SRMS: variants seen among roughly 807,000 people sequenced by gnomAD.
SRMS encodes tyrosine-protein kinase Srms.
A neutral mutation model predicts 43.5 loss-of-function variants in SRMS; 42 were observed. That is an observed-to-expected ratio of 0.97 (90% CI 0.75 to 1.25). The LOEUF (loss-of-function observed/expected upper bound fraction) is 1.25, where lower values mean the gene tolerates loss of function less well. SRMS is among the 50% of genes most tolerant of loss of function. The pLI is 0.00. For missense variants in SRMS, 703 were observed against 681.0 expected, an observed-to-expected ratio of 1.03 and a Z score of -0.36; for synonymous variants, 316 against 308.2, an observed-to-expected ratio of 1.03 and a Z score of -0.27.
rs955775968 is a variant in SRMS, at chr20:63,547,497, T to C, written c.-34A>G. 7 of 1,436,710 alleles carry C rather than the reference T, an allele frequency of 4.9e-6. No homozygotes were observed. Among genetic ancestry groups the C allele is most frequent in the Non-Finnish European group, 6.4e-6 (7 of 1,092,412 alleles). The allele number at this position is 1,436,710 out of a possible 1,614,324, so 89.0% of individuals were successfully genotyped here. On this transcript the variant is annotated 5_prime_UTR_variant, in exon 1 of 8. It removes an upstream start codon present in the reference 5' UTR. Coordinates refer to ENST00000217188, the MANE Select transcript of SRMS (RefSeq NM_080823.4). ...GTCACCACGCTGGGCCCGAGGGCCA[T>C]GGGAGCCCGCGAGCCCGGAAGAGGA...
rs370767257 is a variant in SRMS, at chr20:63,542,666, C to T, written c.646-85G>A. 452 of 1,455,472 alleles carry T rather than the reference C, an allele frequency of 3.1e-4. 2 individuals are homozygous for T. The highest frequency in any genetic ancestry group is 1.7e-3 in the Middle Eastern group (7 of 4,034). 90.2% of individuals were successfully genotyped at this position (1,455,472 alleles called of 1,614,324 possible). On this transcript the variant is annotated intron_variant, in intron 3 of 7. Coordinates refer to ENST00000217188, the MANE Select transcript of SRMS (RefSeq NM_080823.4). ...ACAGCCCCCCACACCAGGCCTCTGG[C>T]GGGCACCCCTGTCCCCAGCACACAC...
intron 2 of SRMS, 52 bp from the exon 3 acceptor site, chr20:63,543,532 A>G: frequency 2.0e-6 from 3 of 1,492,902 alleles, no homozygotes; most frequent in Non-Finnish European, 1.8e-6. Flanking sequence ...AGCTGCCCCG[A>G]CCCTCCCACC....
In SRMS at chr20:63,540,948, G is replaced by A. The variant is rs749994717; in HGVS notation, c.1337C>T (p.Pro446Leu). ...LQQIMRGYRLPRPAACPAEVY... is the reference protein window; with the variant it reads ...LQQIMRGYRLLRPAACPAEVY... The stretch of plus-strand genomic sequence containing the variant: ...CTCCGCCGGGCAGGCAGCCGGGCGC[G>A]GCAGCCGGTACCCTCGCATGATCTG... Residue 446 changes from proline (P) to leucine (L), a missense_variant, in exon 8 of 8, where the codon CCG becomes CTG. Transcript: ENST00000217188. The A allele has an allele frequency of 1.9e-5, 30 of 1,607,522 alleles. No individual in the cohort carries two copies. The highest frequency in any genetic ancestry group is 1.6e-4 in the Middle Eastern group (1 of 6,080).
rs141222213 is a variant in SRMS at position 63,542,084 on chromosome 20, G to T, written c.946+79C>A. ...AGGCCCGGTTCACCTCGGAAACCCCGCAGGTTCAGCTCTGCGCCAGGAGGG... is the reference window on the plus strand; with the variant it reads ...AGGCCCGGTTCACCTCGGAAACCCCTCAGGTTCAGCTCTGCGCCAGGAGGG... On this transcript the variant is annotated intron_variant, in intron 5 of 7. Coordinates refer to ENST00000217188, the MANE Select transcript of SRMS (RefSeq NM_080823.4). 7.2e-4 allele frequency: 1,107 copies of T among 1,532,670 alleles called. 3 individuals are homozygous for T. The Middle Eastern group carries it at 0.014, about 19-fold the overall frequency. 94.9% of individuals were successfully genotyped at this position (1,532,670 alleles called of 1,614,324 possible).
In SRMS at chr20:63,542,070, A is replaced by AGAGAGG. The variant is rs1238631350; in HGVS notation, c.946+92_946+93insCCTCTC. On this transcript the variant is annotated intron_variant, in intron 5 of 7. Transcript: ENST00000217188. ...TGCTCCCGGTAGAGAGGCCCGGTTC[A>AGAGAGG]CCTCGGAAACCCCGCAGGTTCAGCT... 4.0e-5 allele frequency: 61 copies of AGAGAGG among 1,511,656 alleles called. No homozygotes were observed. The African/African-American group carries it at 7.6e-4, about 19-fold the overall frequency. The allele number at this position is 1,511,656 out of a possible 1,614,324, so 93.6% of individuals were successfully genotyped here.
Position 63,540,976 on chromosome 20 carries a change from G to A in SRMS, c.1309C>T (p.Gln437Ter). ...AGCCGGTACCCTCGCATGATCTGCT[G>A]CAGCGTCTCGTGGTTGGTCATCCCT... The part of the protein sequence containing the change: ...YEGMTNHETL[Q>*]QIMRGYRLPR... The change falls in exon 8 of 8, where the codon CAG becomes TAG. Residue 437 changes from glutamine (Q) to a stop codon, truncating the protein, a stop_gained. Coordinates refer to ENST00000217188, the MANE Select transcript of SRMS (RefSeq NM_080823.4). LOFTEE classifies it low-confidence loss of function (END_TRUNC). 1.2e-6 allele frequency: 2 copies of A among 1,608,916 alleles called. No homozygotes were observed. Among genetic ancestry groups the A allele is most frequent in the South Asian group, 1.1e-5 (1 of 91,038 alleles).
chr20:63,541,666 C>T (rs749221224), intron 5 of SRMS, 46 bp from the exon 6 acceptor site: 24 of 1,458,004 alleles, frequency 1.6e-5, no homozygotes, highest in East Asian at 1.0e-4. Flanking sequence ...GGCCAACGGC[C>T]GGTGAGGCCA....
At chr20:63,546,779 A>G (rs2082733910) in intron 1 of SRMS, among the ~76,000 whole-genome samples, 1 of 152,072 alleles carries the variant, frequency 6.6e-6, no homozygotes, top group South Asian at 2.1e-4. Context: ...TCCCTGTGTG[A>G]GGGCGGGAGG....
Position 63,540,662 on chromosome 20 carries a change from C to T in SRMS, c.*156G>A, listed in dbSNP as rs552988477. Reference sequence around the variant, plus strand: ...CGTCAGCCCCAGCCCTCCGTCTGCACGTCTGCCTGGTGCACGAACATGTGT... The same window carrying T: ...CGTCAGCCCCAGCCCTCCGTCTGCATGTCTGCCTGGTGCACGAACATGTGT... On this transcript the variant is annotated 3_prime_UTR_variant, in exon 8 of 8. Coordinates refer to ENST00000217188, the MANE Select transcript of SRMS (RefSeq NM_080823.4). 40 of 956,266 alleles carry T rather than the reference C, an allele frequency of 4.2e-5. 2 individuals are homozygous for T. The South Asian group carries it at 4.2e-4, about 10-fold the overall frequency. 59.2% of individuals were successfully genotyped at this position (956,266 alleles called of 1,614,324 possible). A position where few individuals can be genotyped will look rare whatever the true frequency, so the allele number is the denominator to read the frequency against.
Position 63,540,764 on chromosome 20 carries a change from C to A in SRMS, c.*54G>T. Reference sequence around the variant, plus strand: ...GGCATCCCTTCGAGTTGGCGCTCTGCAGGGAGGAGGGGCTGGCCTGGCTGG... The same window carrying A: ...GGCATCCCTTCGAGTTGGCGCTCTGAAGGGAGGAGGGGCTGGCCTGGCTGG... On this transcript the variant is annotated 3_prime_UTR_variant, in exon 8 of 8. Coordinates refer to ENST00000217188, the MANE Select transcript of SRMS (RefSeq NM_080823.4). 1 of 1,536,622 alleles carries A rather than the reference C, an allele frequency of 6.5e-7. No individual in the cohort carries two copies. Among genetic ancestry groups the A allele is most frequent in the East Asian group, 2.3e-5 (1 of 43,836 alleles).
intron 1 of SRMS, among the ~76,000 whole-genome samples, chr20:63,546,656 C>A (rs2082733066): frequency 6.6e-6 from 1 of 151,494 alleles, no homozygotes; most frequent in African/African-American, 2.4e-5. Flanking sequence ...GCCCCCAGCC[C>A]CCAGCCCCTG....
At chr20:63,546,660 G>GC (rs2082733122) in intron 1 of SRMS, among the ~76,000 whole-genome samples, 1 of 147,908 alleles carries the variant, frequency 6.8e-6, no homozygotes. Flanking sequence ...CCAGCCCCCA[G>GC]CCCCTGCTCA....
intron 5 of SRMS, 101 bp downstream of exon 5, chr20:63,542,062 C>A: frequency 6.7e-7 from 1 of 1,493,254 alleles, no homozygotes. Context: ...GGTAGAGAGG[C>A]CCGGTTCACC....
intron 5 of SRMS, 103 bp downstream of exon 5, chr20:63,542,060 G>C (rs1197111590): frequency 1.3e-6 from 2 of 1,483,924 alleles, no homozygotes; most frequent in Non-Finnish European, 1.8e-6. Context: ...CCGGTAGAGA[G>C]GCCCGGTTCA....
intron 1 of SRMS, among the ~76,000 whole-genome samples, chr20:63,544,624 C>T (rs747325339): frequency 2.6e-5 from 4 of 152,290 alleles, no homozygotes; most frequent in South Asian, 4.1e-4. Context: ...TCATAGTGAC[C>T]GCCAGCCCCA....
rs758668728 is a variant in SRMS, at chr20:63,541,234, G to A, written c.1242C>T (p.Val414=). Residue 414 remains valine, a synonymous_variant, in exon 7 of 8, where the codon GTC becomes GTT. Transcript: ENST00000217188. ...SQKSDVWSFG[V]LLHEVFTYGQ... is the part of the protein sequence containing the mutation. ...CATAGGTGAAAACCTCGTGCAGCAGGACGCCGAAGGACCAGACGTCTGACT... is the reference window on the plus strand; with the variant it reads ...CATAGGTGAAAACCTCGTGCAGCAGAACGCCGAAGGACCAGACGTCTGACT... 4 of 1,566,610 alleles carry A rather than the reference G, an allele frequency of 2.6e-6. No homozygotes were observed. In the East Asian group the frequency reaches 9.0e-5, roughly 35 times the overall value.
In SRMS at chr20:63,543,242, G is replaced by A. The variant is rs940518099; in HGVS notation, c.645+72C>T. On this transcript the variant is annotated intron_variant, in intron 3 of 7. Transcript: ENST00000217188. ...ACAGCCCCAGGGGTTTTGTGACGGG[G>A]TGGGGAGGAGCACCTAGAACAGGGC... is the stretch of plus-strand genomic sequence containing the variant. 13 of 1,557,708 alleles carry A rather than the reference G, an allele frequency of 8.3e-6. No homozygotes were observed. The African/African-American group carries it at 1.5e-4, about 18-fold the overall frequency.
At position 63,543,496 on chromosome 20, in the gene SRMS, A is replaced by C; in HGVS notation, c.479-16T>G. On this transcript the variant is annotated splice_polypyrimidine_tract_variant and intron_variant, in intron 2 of 7. Coordinates refer to ENST00000217188, the MANE Select transcript of SRMS (RefSeq NM_080823.4). ...TGGGCCCGGACTAGGAAGGGTTCAGAGATGGAGACCCCTGCCTTGGCTGCC... is the reference window on the plus strand; with the variant it reads ...TGGGCCCGGACTAGGAAGGGTTCAGCGATGGAGACCCCTGCCTTGGCTGCC... 6.2e-7 allele frequency: 1 copy of C among 1,610,736 alleles called. No homozygotes were observed. The highest frequency in any genetic ancestry group is 8.5e-7 in the Non-Finnish European group (1 of 1,178,490).
chr20:63,543,977 GAAT>G (rs2082717616), intron 2 of SRMS, among the ~76,000 whole-genome samples: 2 of 117,032 alleles, frequency 1.7e-5, no homozygotes, highest in African/African-American at 6.4e-5. Flanking sequence ...ATGAATGAAT[GAAT>G]GAGTGAATTA....
Sources: gnomAD v4.1 joint callset for allele counts (sites outside exome capture counted in the v4.1 genomes callset) on GRCh38, gnomAD v4.1.1 for gene constraint, MANE v1.5 for transcripts, NCBI Gene and HGNC (gene_info 2026-07-23, HGNC 2026-07-21) for gene names.